KIAA1671: variants seen among roughly 807,000 people sequenced by gnomAD.
KIAA1671 encodes KIAA1671.
In KIAA1671, 52 loss-of-function variants were observed where a neutral mutation model predicts 131.2. That is an observed-to-expected ratio of 0.40 (90% confidence interval 0.32 to 0.50). The LOEUF (loss-of-function observed/expected upper bound fraction) is 0.50, where lower values mean the gene tolerates loss of function less well. KIAA1671 is among the 20% of genes least tolerant of loss of function. The pLI, the probability that KIAA1671 is intolerant of heterozygous loss-of-function variation, is 0.73. For missense variants in KIAA1671, 2,360 were observed against 2,364.2 expected (o/e 1.00, Z 0.04); for synonymous variants, 1,003 against 961.6 (o/e 1.04, Z -0.80).
chr22:24,967,195 G>C (rs146903547), intron 1 of KIAA1671, among the ~76,000 whole-genome samples: 2 of 152,308 alleles, frequency 1.3e-5, no homozygotes, highest in East Asian at 3.9e-4. Context: ...ACAATTTGCT[G>C]ACAGGGCCTA....
intron 1 of KIAA1671, among the ~76,000 whole-genome samples, chr22:24,960,654 C>CTTTTTTTTTT (rs34901740): frequency 2.8e-5 from 2 of 71,538 alleles, no homozygotes; most frequent in Non-Finnish European, 5.0e-5. Context: ...TTTTCAGGTT[C>CTTTTTTTTTT]TTTTTTTTTT....
At chr22:25,037,553 T>G (rs1443491627) in intron 4 of KIAA1671, among the ~76,000 whole-genome samples, 1 of 152,070 alleles carries the variant, frequency 6.6e-6, no homozygotes, top group Non-Finnish European at 1.5e-5. Context: ...AGTGCACAAC[T>G]GAGTGGCATT....
chr22:25,038,434 T>C (rs1926732100), intron 4 of KIAA1671, among the ~76,000 whole-genome samples: 1 of 152,250 alleles, frequency 6.6e-6, no homozygotes, highest in Non-Finnish European at 1.5e-5. Flanking sequence ...CCAACGGTGC[T>C]GTCTCAACTT....
At chr22:25,146,739 A>T (rs1932885972) in intron 6 of KIAA1671, among the ~76,000 whole-genome samples, 1 of 152,206 alleles carries the variant, frequency 6.6e-6, no homozygotes, top group African/African-American at 2.4e-5. Flanking sequence ...CTTGGTGTTC[A>T]CATTTGGAGA....
At chr22:24,974,742 G>A (rs1159414303) in intron 1 of KIAA1671, among the ~76,000 whole-genome samples, 2 of 141,704 alleles carry the variant, frequency 1.4e-5, no homozygotes, top group African/African-American at 2.7e-5. Context: ...GCCCAGGCTG[G>A]AGTGTAATGG....
At chr22:24,987,549 C>T (rs1398702457) in intron 1 of KIAA1671, among the ~76,000 whole-genome samples, 1 of 152,162 alleles carries the variant, frequency 6.6e-6, no homozygotes, top group African/African-American at 2.4e-5. Flanking sequence ...TCACTGCAGC[C>T]TCAAACTCCT....
chr22:25,174,135 TA>T, intron 7 of KIAA1671, 104 bp from the exon 8 acceptor site: 1 of 1,296,262 alleles, frequency 7.7e-7, no homozygotes, highest in Non-Finnish European at 1.1e-6. Flanking sequence ...ACTTGGCTTA[TA>T]AAACATAACC....
Position 25,184,993 on chromosome 22 carries a change from G to T in KIAA1671, c.5216G>T (p.Arg1739Met), listed in dbSNP as rs1307539626. Residue 1739 changes from arginine to methionine, a missense_variant, in exon 11 of 13, where the codon AGG becomes ATG. Arg to Met is a moderately conservative substitution (Grantham distance 91). This residue lies in a region of KIAA1671 where 1,161 missense variants were observed against 1,204.7 expected (regional missense o/e 0.96). Transcript: ENST00000358431. ...PAVLKAQLHK[R>M]PEVDSPGETP... ...TCTCCCCAGGCTCAGCTGCACAAGA[G>T]GCCAGAGGTGGACAGTCCTGGCGAG... 3 of 1,551,498 alleles carry T rather than the reference G, an allele frequency of 1.9e-6. No individual in the cohort carries two copies. The highest frequency in any genetic ancestry group is 1.4e-5 in the African/African-American group (1 of 73,036).
At chr22:25,080,125 G>A (rs1393533435) in intron 6 of KIAA1671, among the ~76,000 whole-genome samples, 1 of 152,180 alleles carries the variant, frequency 6.6e-6, no homozygotes, top group Non-Finnish European at 1.5e-5. Flanking sequence ...GAAAACTGCA[G>A]GGTAGAGGGT....
intron 6 of KIAA1671, chr22:25,052,117 C>T (rs1361551549): frequency 6.5e-6 from 1 of 152,726 alleles, no homozygotes; most frequent in Non-Finnish European, 1.5e-5. Context: ...TATGGCCAAC[C>T]CCTGCCAGCC....
intron 6 of KIAA1671, among the ~76,000 whole-genome samples, chr22:25,115,153 A>G (rs145489970): frequency 6.6e-6 from 1 of 152,246 alleles, no homozygotes; most frequent in Non-Finnish European, 1.5e-5. Flanking sequence ...AGGCAGGAAG[A>G]GGCACGTTTA....
At chr22:25,100,204 G>C (rs1372020497) in intron 6 of KIAA1671, among the ~76,000 whole-genome samples, 4 of 152,202 alleles carry the variant, frequency 2.6e-5, no homozygotes, top group Admixed American at 6.5e-5. Context: ...GGGCAGGAGG[G>C]CATGGAAGAT....
chr22:25,166,849 T>C (rs2146005019), intron 6 of KIAA1671, among the ~76,000 whole-genome samples: 1 of 151,834 alleles, frequency 6.6e-6, no homozygotes, highest in African/African-American at 2.4e-5. Flanking sequence ...CTATAAGCTG[T>C]CACTCCTCTG....
chr22:25,141,909 C>T (rs909604841), intron 6 of KIAA1671, among the ~76,000 whole-genome samples: 2 of 152,198 alleles, frequency 1.3e-5, no homozygotes, highest in South Asian at 4.1e-4. Flanking sequence ...AGCTCCGTGA[C>T]CTTGGTCAAG....
At chr22:25,121,917 C>T (rs561621578) in intron 6 of KIAA1671, among the ~76,000 whole-genome samples, 1 of 152,166 alleles carries the variant, frequency 6.6e-6, no homozygotes, top group African/African-American at 2.4e-5. Flanking sequence ...TGCAGTTGTC[C>T]CTCAGGGGCC....
Position 25,039,863 on chromosome 22 carries a change from GCCC to G in KIAA1671, c.2734_2736del (p.Pro912del). On this transcript the variant is annotated inframe_deletion, in exon 5 of 13. Coordinates refer to ENST00000358431, the MANE Select transcript of KIAA1671 (RefSeq NM_001145206.2). ...CAGATGCATTTGCTGTGCAGAAAGG[GCCC>G]TTCATTGTAGCCGCCAGGGAGGGTG... 16 of 1,551,380 alleles carry G rather than the reference GCCC, an allele frequency of 1.0e-5. No individual in the cohort carries two copies. Among genetic ancestry groups the G allele is most frequent in the Non-Finnish European group, 1.4e-5 (16 of 1,146,876 alleles).
intron 8 of KIAA1671, chr22:25,176,852 C>G (rs1175413035): frequency 6.6e-6 from 1 of 152,538 alleles, no homozygotes; most frequent in African/African-American, 2.4e-5. Flanking sequence ...CCCTTCCCAC[C>G]TGCACCCTAG....
intron 1 of KIAA1671, among the ~76,000 whole-genome samples, chr22:25,020,970 A>C (rs1925636056): frequency 6.6e-6 from 1 of 152,198 alleles, no homozygotes; most frequent in Non-Finnish European, 1.5e-5. Context: ...GGGGAATGAC[A>C]TCCTGGCGCT....
chr22:25,006,629 C>T (rs753098521), intron 1 of KIAA1671, among the ~76,000 whole-genome samples: 1 of 152,172 alleles, frequency 6.6e-6, no homozygotes. Flanking sequence ...AACAGATTCT[C>T]ACAATTCAGT....
Sources: allele counts gnomAD v4.1 joint callset (sites outside exome capture counted in the v4.1 genomes callset), GRCh38; gene constraint gnomAD v4.1.1; regional missense constraint gnomAD v4.1.1; transcripts MANE v1.5; gene names NCBI Gene and HGNC (gene_info 2026-07-23, HGNC 2026-07-21).